The following OTUD7A variants were observed in gnomAD, a reference collection of about 807,000 sequenced individuals.
OTUD7A encodes the protein OTU deubiquitinase 7A.
OTUD7A carries 12 observed loss-of-function variants against 65.7 expected under a neutral mutation model. The ratio of observed to expected loss-of-function variants is 0.18; its 90% CI spans 0.12 to 0.30. OTUD7A has a LOEUF of 0.30. OTUD7A is among the 10% of genes least tolerant of loss of function. OTUD7A has a pLI of 1.00. For missense variants in OTUD7A, 1,148 were observed against 1,304.8 expected (o/e 0.88, Z 1.85); for synonymous variants, 641 against 586.3 (o/e 1.09, Z -1.35).
intron 3 of OTUD7A, among the ~76,000 whole-genome samples, chr15:31,624,380 T>C (rs1890889453): frequency 2.0e-5 from 3 of 152,324 alleles, no homozygotes; most frequent in African/African-American, 4.8e-5. Context: ...GGAGTCACCA[T>C]GACTAGTTAG....
intron 1 of OTUD7A, chr15:31,689,541 C>T (rs1350115926): frequency 1.3e-5 from 2 of 150,796 alleles, no homozygotes; most frequent in Non-Finnish European, 3.0e-5. Context: ...TGAGAATTAA[C>T]AATTTCAATT....
chr15:31,499,898 G>A lies in OTUD7A; in HGVS notation c.1171+1792C>T, dbSNP rs371928800. 2.6e-5 allele frequency among the ~76,000 whole-genome samples: 4 copies of A among 152,336 alleles called. No individual in the cohort carries two copies. The East Asian group carries it at 7.7e-4, about 29-fold the overall frequency. ...ACAACTCTGCAAGGCCCTCCTGAAA[G>A]GTCCCAAGCCACAGCGCCCTCCATG... is the stretch of plus-strand genomic sequence containing the variant. On this transcript the variant is annotated intron_variant, in intron 10 of 12. Coordinates refer to ENST00000307050, the MANE Select transcript of OTUD7A (RefSeq NM_001382637.1).
chr15:31,617,516 C>T (rs1455202984), intron 3 of OTUD7A, among the ~76,000 whole-genome samples: 2 of 151,976 alleles, frequency 1.3e-5, no homozygotes, highest in Admixed American at 6.6e-5. Flanking sequence ...ACTGATAACT[C>T]TGGCAAGACT....
intron 1 of OTUD7A, among the ~76,000 whole-genome samples, chr15:31,814,934 G>A (rs1291948237): frequency 6.6e-6 from 1 of 152,140 alleles, no homozygotes; most frequent in Non-Finnish European, 1.5e-5. Flanking sequence ...ACAGCTCTGA[G>A]TAAATACCCT....
chr15:31,633,852 T>C (rs1370166163), intron 3 of OTUD7A, among the ~76,000 whole-genome samples: 2 of 152,140 alleles, frequency 1.3e-5, no homozygotes, highest in Non-Finnish European at 2.9e-5. Context: ...AGCACACAGG[T>C]CCTGACGGCT....
At chr15:31,656,251 T>G (rs1324111792) in intron 2 of OTUD7A, among the ~76,000 whole-genome samples, 3 of 152,166 alleles carry the variant, frequency 2.0e-5, no homozygotes, top group African/African-American at 7.2e-5. Context: ...CTTACACTAG[T>G]GAATGGTGCT....
chr15:31,827,463 T>A (rs1896825558), intron 1 of OTUD7A, among the ~76,000 whole-genome samples: 1 of 152,244 alleles, frequency 6.6e-6, no homozygotes, highest in Non-Finnish European at 1.5e-5. Context: ...GTGGGAATTA[T>A]GGGAGTATGA....
chr15:31,810,877 G>A (rs532497747), intron 1 of OTUD7A, among the ~76,000 whole-genome samples: 1 of 152,290 alleles, frequency 6.6e-6, no homozygotes, highest in East Asian at 1.9e-4. Flanking sequence ...TCCATCCCCA[G>A]GAGGCTCTGA....
chr15:31,505,672 A>C (rs1219401323), intron 8 of OTUD7A, among the ~76,000 whole-genome samples: 1 of 152,102 alleles, frequency 6.6e-6, no homozygotes, highest in Non-Finnish European at 1.5e-5. Flanking sequence ...TTTTTGTATA[A>C]AATTTTGAAG....
intron 3 of OTUD7A, among the ~76,000 whole-genome samples, chr15:31,642,251 C>G (rs1891538523): frequency 6.6e-6 from 1 of 152,118 alleles, no homozygotes; most frequent in South Asian, 2.1e-4. Flanking sequence ...GTTTTGCATT[C>G]TTGGGATAAA....
intron 1 of OTUD7A, among the ~76,000 whole-genome samples, chr15:31,724,292 C>T (rs1428769119): frequency 6.6e-6 from 1 of 152,136 alleles, no homozygotes; most frequent in Admixed American, 6.5e-5. Flanking sequence ...TTTGGGTTTG[C>T]TTAGAAAATT....
intron 3 of OTUD7A, among the ~76,000 whole-genome samples, chr15:31,647,917 A>G (rs1199577644): frequency 1.3e-5 from 2 of 151,890 alleles, no homozygotes; most frequent in East Asian, 3.9e-4. Flanking sequence ...GGGCGGAGGC[A>G]GAAGCACAGA....
At chr15:31,606,811 AT>A (rs1421650137) in intron 3 of OTUD7A, among the ~76,000 whole-genome samples, 1 of 152,252 alleles carries the variant, frequency 6.6e-6, no homozygotes, top group Non-Finnish European at 1.5e-5. Context: ...TTATTTCAAG[AT>A]TAGTTATATA....
intron 5 of OTUD7A, among the ~76,000 whole-genome samples, chr15:31,554,333 G>C (rs934489597): frequency 6.6e-6 from 1 of 152,164 alleles, no homozygotes; most frequent in African/African-American, 2.4e-5. Context: ...GGGGCATTTC[G>C]TGGGCATTCA....
At chr15:31,761,925 C>T (rs984723644) in intron 1 of OTUD7A, among the ~76,000 whole-genome samples, 3 of 152,006 alleles carry the variant, frequency 2.0e-5, no homozygotes, top group African/African-American at 7.2e-5. Context: ...TTATATGATG[C>T]CATTTGTATA....
intron 1 of OTUD7A, among the ~76,000 whole-genome samples, chr15:31,704,045 A>T (rs1311195776): frequency 3.8e-5 from 5 of 130,476 alleles, no homozygotes; most frequent in Non-Finnish European, 8.4e-5. Flanking sequence ...TGGTTGCCAG[A>T]GGTTAAGAAT....
intron 1 of OTUD7A, among the ~76,000 whole-genome samples, chr15:31,687,164 A>C (rs1892857595): frequency 6.6e-6 from 1 of 151,714 alleles, no homozygotes; most frequent in African/African-American, 2.4e-5. Flanking sequence ...TTACTGACTG[A>C]AAGGCAAACC....
intron 1 of OTUD7A, among the ~76,000 whole-genome samples, chr15:31,680,560 G>T (rs925492167): frequency 6.6e-6 from 1 of 152,188 alleles, no homozygotes; most frequent in African/African-American, 2.4e-5. Context: ...ACTGGCTATG[G>T]TCATGAGGGC....
At chr15:31,492,734 CAA>C (rs1276920883) in intron 10 of OTUD7A, among the ~76,000 whole-genome samples, 1 of 151,758 alleles carries the variant, frequency 6.6e-6, no homozygotes, top group East Asian at 1.9e-4. Context: ...GATAAGATAG[CAA>C]AAGAGAAACA....
Sources: allele counts gnomAD v4.1 joint callset (sites outside exome capture counted in the v4.1 genomes callset), GRCh38; gene constraint gnomAD v4.1.1; transcripts MANE v1.5; gene names NCBI Gene and HGNC (gene_info 2026-07-23, HGNC 2026-07-21).